The following SPPL2B variants were observed in gnomAD, a reference collection of about 807,000 sequenced individuals.
SPPL2B encodes signal peptide peptidase like 2B, also known as signal peptide peptidase-like 2B.
In SPPL2B, 39 loss-of-function variants were observed where a neutral mutation model predicts 59.7. The ratio of observed to expected loss-of-function variants is 0.65; its 90% CI spans 0.51 to 0.85. SPPL2B has a LOEUF of 0.85. Ranked by LOEUF, SPPL2B falls within the 40% of genes least tolerant of loss-of-function variation. SPPL2B has a pLI of 0.00. For missense variants in SPPL2B, 865 were observed against 849.0 expected (o/e 1.02, Z -0.23); for synonymous variants, 419 against 370.8 (o/e 1.13, Z -1.49).
At chr19:2,336,322 ATAATAGTTATGTT>A in intron 2 of SPPL2B, among the ~76,000 whole-genome samples, 1 of 151,904 alleles carries the variant, frequency 6.6e-6, no homozygotes, top group East Asian at 2.0e-4. Flanking sequence ...ATGTAGCTAC[ATAATAGTTATGTT>A]TGTGGATGTG....
At position 2,332,975 on chromosome 19, in the gene SPPL2B, G is replaced by C. The variant is rs1189428871; in HGVS notation, c.67-1627G>C. ...TGGGCTCTGCTGGGAGGGGGAGCAGGAGGAGGGTGGGGATGGCAGGTGCGG... is the reference window on the plus strand; with the variant it reads ...TGGGCTCTGCTGGGAGGGGGAGCAGCAGGAGGGTGGGGATGGCAGGTGCGG... On this transcript the variant is annotated intron_variant, in intron 1 of 14. Transcript: ENST00000613503. This position sits in a 1 kb window ranked among gnomAD's most constrained non-coding sequence, Gnocchi z 4.6. Among the ~76,000 whole-genome samples, 1 of 129,902 alleles carries C rather than the reference G, an allele frequency of 7.7e-6. No homozygotes were observed. The highest frequency in any genetic ancestry group is 1.7e-5 in the Non-Finnish European group (1 of 60,440). The allele number at this position is 129,902 out of a possible 152,430, so 85.2% of individuals were successfully genotyped here. A position where few individuals can be genotyped will look rare whatever the true frequency, so the allele number is the denominator to read the frequency against.
rs1968991628 is a variant in SPPL2B at position 2,340,939 on chromosome 19, A to C, written c.881A>C (p.Gln294Pro). 4 of 1,602,388 alleles carry C rather than the reference A, an allele frequency of 2.5e-6. No individual in the cohort carries two copies. The highest frequency in any genetic ancestry group is 1.3e-5 in the African/African-American group (1 of 74,848). The change falls in exon 8 of 15, where the codon CAG becomes CCG. Residue 294 changes from glutamine to proline, a missense_variant. Gln to Pro is a moderately conservative substitution (Grantham distance 76). Transcript: ENST00000613503. ...NSLPYFHKRP[Q>P]ARMLLLALFC... is the part of the protein sequence containing the mutation. ...CTGCCCTACTTCCACAAGCGCCCGC[A>C]GGCCCGTATGCTGCTCCTGGCGCTC...
chr19:2,336,899 G>A (rs150473920), intron 2 of SPPL2B, among the ~76,000 whole-genome samples: 2 of 78,006 alleles, frequency 2.6e-5, no homozygotes, highest in African/African-American at 8.7e-5. Flanking sequence ...CTGGCTGTGG[G>A]TGTGTGTGTG....
At chr19:2,345,216 C>G (rs571561686) in intron 12 of SPPL2B, 37 bp from the exon 13 acceptor site, 1 of 1,591,582 alleles carries the variant, frequency 6.3e-7, no homozygotes, top group Admixed American at 1.7e-5. Flanking sequence ...TGAGGCTCTG[C>G]GGGCCCGAGT....
rs1191687067 is a variant in SPPL2B at position 2,339,156 on chromosome 19, G to C, written c.547G>C (p.Val183Leu). The change falls in exon 5 of 15, where the codon GTG becomes CTG. Residue 183 changes from valine to leucine, a missense_variant. Physicochemically the swap from Val to Leu is conservative, Grantham distance 32. Coordinates refer to ENST00000613503, the MANE Select transcript of SPPL2B (RefSeq NM_152988.3). Reference sequence around the variant, plus strand: ...CATGGTCATCATCTTCATCATGGCTGTGGGCACCGTCGCCATCGGCGGCTA... The same window carrying C: ...CATGGTCATCATCTTCATCATGGCTCTGGGCACCGTCGCCATCGGCGGCTA... ...YNMVIIFIMA[V>L]GTVAIGGYWA... is the part of the protein sequence containing the mutation. The C allele has an allele frequency of 1.9e-6, 3 of 1,602,050 alleles. No individual in the cohort carries two copies. The East Asian group carries it at 6.8e-5, about 36-fold the overall frequency.
intron 10 of SPPL2B, 80 bp downstream of exon 10, chr19:2,344,119 C>T: frequency 7.3e-6 from 6 of 816,630 alleles, no homozygotes; most frequent in Non-Finnish European, 1.1e-5. Context: ...TCACCCCCCC[C>T]ATCACCCCGC....
rs1394535612 is a variant in SPPL2B, at chr19:2,353,173, G to T, written c.1743G>T (p.Gln581His). The change falls in exon 15 of 15, where the codon CAG becomes CAT. Residue 581 changes from glutamine to histidine, a missense_variant. Physicochemically the swap from Gln to His is conservative, Grantham distance 24. Coordinates refer to ENST00000613503, the MANE Select transcript of SPPL2B (RefSeq NM_152988.3). ...PAESEGRDQA[Q>H]PSPVTQPGAS... is the part of the protein sequence containing the mutation. ...AATCCGAGGGCCGGGACCAGGCCCA[G>T]CCGTCCCCGGTAACCCAGCCTGGCG... 1.2e-6 allele frequency: 2 copies of T among 1,607,924 alleles called. No individual in the cohort carries two copies.
At chr19:2,335,237 G>A (rs1402113863) in intron 2 of SPPL2B, among the ~76,000 whole-genome samples, 23 of 115,604 alleles carry the variant, frequency 2.0e-4, no homozygotes, top group African/African-American at 7.8e-4. Context: ...TTCAGGCCCC[G>A]CCTCCTTTCC....
intron 9 of SPPL2B, 84 bp from the exon 10 acceptor site, chr19:2,343,881 A>G (rs967593686): frequency 1.9e-6 from 2 of 1,057,436 alleles, no homozygotes; most frequent in Non-Finnish European, 2.8e-6. Flanking sequence ...GCTGCCTCCC[A>G]GGAGGAGGCG....
intron 13 of SPPL2B, among the ~76,000 whole-genome samples, chr19:2,347,495 A>G (rs1467976408): frequency 7.5e-4 from 12 of 15,972 alleles, no homozygotes; most frequent in Non-Finnish European, 8.7e-4. Flanking sequence ...ACACTCACGC[A>G]CTCTTATTCG....
chr19:2,347,296 GTTCTCC>G lies in SPPL2B; in HGVS notation c.1354+1972_1354+1977del, dbSNP rs1426784556. On this transcript the variant is annotated intron_variant, in intron 13 of 14. Transcript: ENST00000613503. Reference sequence around the variant, plus strand: ...CACGCACTCTCATTCGCCTGATTCCGTTCTCCTTCTCTCCACACACACTCACGCGCT... The same window carrying G: ...CACGCACTCTCATTCGCCTGATTCCGTTCTCTCCACACACACTCACGCGCT... Among the ~76,000 whole-genome samples, 130 of 102,766 alleles carry G rather than the reference GTTCTCC, an allele frequency of 1.3e-3. 1 individual carries two copies. Among genetic ancestry groups the G allele is most frequent in the Non-Finnish European group, 2.1e-3 (110 of 51,830 alleles). 67.4% of individuals were successfully genotyped at this position (102,766 alleles called of 152,430 possible).
rs1970041714 is a variant in SPPL2B, at chr19:2,353,437, C to T, written c.*228C>T. The T allele has an allele frequency of 1.6e-5, 9 of 578,112 alleles. No individual in the cohort carries two copies. Among genetic ancestry groups the T allele is most frequent in the Admixed American group, 3.3e-5 (1 of 29,888 alleles). The allele number at this position is 578,112 out of a possible 1,614,324, so 35.8% of individuals were successfully genotyped here. A position where few individuals can be genotyped will look rare whatever the true frequency, so the allele number is the denominator to read the frequency against. On this transcript the variant is annotated 3_prime_UTR_variant, in exon 15 of 15. Transcript: ENST00000613503. ...TGCTGCTCCCAGCTCGCCCGGCTGC[C>T]ACAAGCTCTCTGCGGGTCCATCCTC...
Position 2,328,760 on chromosome 19 carries a change from G to T in SPPL2B, c.51G>T (p.Leu17=). The change falls in exon 1 of 15, where the codon CTG becomes CTT. Residue 17 remains leucine (L), a synonymous_variant. Coordinates refer to ENST00000613503, the MANE Select transcript of SPPL2B (RefSeq NM_152988.3). ...TGGCGCGGCTTTTGGCGGCCTTTCT[G>T]CTCCTCGCGGCCCAGGTGAGCGCGG... ...AALARLLAAF[L]LLAAQVACEY... The T allele has an allele frequency of 6.8e-7, 1 of 1,460,568 alleles. No homozygotes were observed. Among genetic ancestry groups the T allele is most frequent in the Non-Finnish European group, 9.0e-7 (1 of 1,114,844 alleles). The allele number at this position is 1,460,568 out of a possible 1,614,324, so 90.5% of individuals were successfully genotyped here. A position where few individuals can be genotyped will look rare whatever the true frequency, so the allele number is the denominator to read the frequency against.
At chr19:2,338,916 T>G (rs1327358881) in intron 4 of SPPL2B, 75 bp downstream of exon 4, 54 of 1,525,436 alleles carry the variant, frequency 3.5e-5, no homozygotes, top group South Asian at 3.5e-5. Context: ...GCCGGGGGGG[T>G]TTGTGCCTCA....
intron 13 of SPPL2B, among the ~76,000 whole-genome samples, chr19:2,347,835 C>T (rs1336469143): frequency 2.8e-5 from 1 of 35,868 alleles, no homozygotes; most frequent in African/African-American, 1.4e-4. Context: ...CGCCTGATTC[C>T]GTTCTCTCTC....
chr19:2,339,978 C>T lies in SPPL2B; in HGVS notation c.742+12C>T, dbSNP rs369330627. 5.2e-3 allele frequency: 8,113 copies of T among 1,552,474 alleles called. 28 individuals are homozygous for T. The highest frequency in any genetic ancestry group is 5.7e-3 in the Non-Finnish European group (6,545 of 1,147,270). On this transcript the variant is annotated intron_variant, in intron 6 of 14. Transcript: ENST00000613503. ...CTACGATCTCCTCGGTGCGCGGCCC[C>T]GGGCGGGTGGGCCGCGGCGTGGAGA...
At chr19:2,333,936 C>G (rs1968419729) in intron 1 of SPPL2B, among the ~76,000 whole-genome samples, 1 of 152,228 alleles carries the variant, frequency 6.6e-6, no homozygotes, top group African/African-American at 2.4e-5. Context: ...TGACCTGTTG[C>G]AAACCTCAGC....
At chr19:2,337,880 G>C (rs544603833) in intron 3 of SPPL2B, 206 of 476,240 alleles carry the variant, frequency 4.3e-4, no homozygotes, top group Non-Finnish European at 3.7e-4. Flanking sequence ...CTTGTTGGGT[G>C]CCTGTCCTAG....
At position 2,343,939 on chromosome 19, in the gene SPPL2B, G is replaced by A. The variant is rs747848950; in HGVS notation, c.1039-26G>A. 1.5e-5 allele frequency: 23 copies of A among 1,536,112 alleles called. No individual in the cohort carries two copies. The South Asian group carries it at 2.3e-4, about 15-fold the overall frequency. ...GGGGGAGGCACGGGCCGGGGTGGGG[G>A]CCGCCCTCAGCCGTGGGCTTCGCAG... On this transcript the variant is annotated intron_variant, in intron 9 of 14. Coordinates refer to ENST00000613503, the MANE Select transcript of SPPL2B (RefSeq NM_152988.3).
Sources: allele counts gnomAD v4.1 joint callset (sites outside exome capture counted in the v4.1 genomes callset), GRCh38; gene constraint gnomAD v4.1.1; non-coding constraint Gnocchi (gnomAD v3.1); transcripts MANE v1.5; gene names NCBI Gene and HGNC (gene_info 2026-07-23, HGNC 2026-07-21).